PPFIA2: variants seen among roughly 807,000 people sequenced by gnomAD.
The protein encoded by PPFIA2 is liprin-alpha-2.
PPFIA2 carries 46 observed loss-of-function variants against 175.5 expected under a neutral mutation model. The ratio of observed to expected loss-of-function variants is 0.26; its 90% CI spans 0.21 to 0.34. The LOEUF is 0.34. Among genes scored for constraint, PPFIA2 ranks in the 10% least tolerant of loss-of-function variants. PPFIA2 has a pLI of 1.00. For synonymous variants in PPFIA2, 568 were observed against 511.4 expected (o/e 1.11, Z -1.49); for missense variants, 1,179 against 1,506.1 (o/e 0.78, Z 3.60).
intron 4 of PPFIA2, among the ~76,000 whole-genome samples, chr12:81,661,263 A>G (rs921752906): frequency 3.9e-5 from 6 of 152,234 alleles, no homozygotes; most frequent in Admixed American, 6.5e-5. Flanking sequence ...CAAACTGGAT[A>G]AAGAGTCAAG....
chr12:81,590,451 G>A (rs955956757), intron 4 of PPFIA2, among the ~76,000 whole-genome samples: 1 of 152,054 alleles, frequency 6.6e-6, no homozygotes, highest in African/African-American at 2.4e-5. Flanking sequence ...ATTACCATTA[G>A]TATCTTTTTT....
chr12:81,632,701 A>G (rs1203265287), intron 4 of PPFIA2, among the ~76,000 whole-genome samples: 1 of 151,112 alleles, frequency 6.6e-6, no homozygotes, highest in African/African-American at 2.4e-5. Flanking sequence ...TGTCAGGAAT[A>G]AGAAAGGAAA....
intron 8 of PPFIA2, among the ~76,000 whole-genome samples, chr12:81,385,082 A>G (rs894789699): frequency 9.2e-5 from 14 of 152,168 alleles, no homozygotes; most frequent in African/African-American, 3.4e-4. Context: ...AGACATACAG[A>G]TGACCAGCAG....
rs149937376 is a variant in PPFIA2 at position 81,365,066 on chromosome 12, T to A, written c.1545+2042A>T. ...TCAGGGAAGAGGACCCAGTAGGTAA[T>A]CTAAATTTGGATGTGCTCAATTTAT... On this transcript the variant is annotated intron_variant, in intron 14 of 32. Coordinates refer to ENST00000549396, the MANE Select transcript of PPFIA2 (RefSeq NM_003625.5). Among the ~76,000 whole-genome samples, 12 of 151,832 alleles carry A rather than the reference T, an allele frequency of 7.9e-5. 1 individual carries two copies. The East Asian group carries it at 2.3e-3, about 30-fold the overall frequency.
At position 81,267,999 on chromosome 12, in the gene PPFIA2, A is replaced by T; in HGVS notation, c.3399T>A (p.Gly1133=). The change falls in exon 29 of 33, where the codon GGT becomes GGA. Residue 1133 remains glycine (G), a synonymous_variant. Transcript: ENST00000549396. ...REYANNILES[G]VHGSLIALDE... ...CCAGGGCTATAAGTGAGCCATGCAC[A>T]CCGCTCTCAAGTATATTATTTGCAT... 2.5e-6 allele frequency: 4 copies of T among 1,597,916 alleles called. No individual in the cohort carries two copies. Among genetic ancestry groups the T allele is most frequent in the Non-Finnish European group, 3.4e-6 (4 of 1,171,220 alleles).
At chr12:81,410,834 G>A (rs1388800043) in intron 7 of PPFIA2, among the ~76,000 whole-genome samples, 1 of 151,974 alleles carries the variant, frequency 6.6e-6, no homozygotes, top group Non-Finnish European at 1.5e-5. Flanking sequence ...AAGGTAAGCT[G>A]GTAGAATATG....
intron 4 of PPFIA2, among the ~76,000 whole-genome samples, chr12:81,479,355 A>G (rs1341247939): frequency 1.3e-5 from 2 of 152,184 alleles, no homozygotes; most frequent in African/African-American, 4.8e-5. Flanking sequence ...AATACAGCAC[A>G]CCGATAGGTC....
chr12:81,633,866 A>G (rs543272327), intron 4 of PPFIA2, among the ~76,000 whole-genome samples: 3 of 151,872 alleles, frequency 2.0e-5, no homozygotes, highest in Non-Finnish European at 4.4e-5. Context: ...GGTAATAGAG[A>G]GGTTGCTTAT....
At chr12:81,576,058 A>G (rs901387562) in intron 4 of PPFIA2, among the ~76,000 whole-genome samples, 1 of 151,512 alleles carries the variant, frequency 6.6e-6, no homozygotes, top group African/African-American at 2.4e-5. Flanking sequence ...CATACAGCCA[A>G]CCATAGCCAT....
intron 4 of PPFIA2, among the ~76,000 whole-genome samples, chr12:81,674,230 C>A (rs1009340176): frequency 1.3e-5 from 2 of 152,080 alleles, no homozygotes; most frequent in East Asian, 3.9e-4. Flanking sequence ...AGCTATGCAT[C>A]CTTATGAGAG....
chr12:81,629,683 C>T (rs1283585563), intron 4 of PPFIA2, among the ~76,000 whole-genome samples: 6 of 152,152 alleles, frequency 3.9e-5, no homozygotes, highest in Non-Finnish European at 7.3e-5. Context: ...CAAGTGAGGA[C>T]ACTTGTCACA....
intron 4 of PPFIA2, among the ~76,000 whole-genome samples, chr12:81,611,827 C>T (rs997934256): frequency 6.6e-6 from 1 of 152,114 alleles, no homozygotes; most frequent in Non-Finnish European, 1.5e-5. Context: ...TCTGCCTATT[C>T]CCTGGAGAGA....
At chr12:81,394,743 C>G (rs1362417566) in intron 8 of PPFIA2, among the ~76,000 whole-genome samples, 1 of 150,610 alleles carries the variant, frequency 6.6e-6, no homozygotes, top group Non-Finnish European at 1.5e-5. Flanking sequence ...ATAGGTGCAG[C>G]AAACCACCAT....
chr12:81,289,432 C>G (rs1243746180), intron 24 of PPFIA2, among the ~76,000 whole-genome samples: 1 of 151,840 alleles, frequency 6.6e-6, no homozygotes, highest in African/African-American at 2.4e-5. Context: ...AATTCATCAA[C>G]TTAAATAAAT....
chr12:81,364,639 AT>A (rs1385670820), intron 14 of PPFIA2, among the ~76,000 whole-genome samples: 1 of 151,814 alleles, frequency 6.6e-6, no homozygotes, highest in African/African-American at 2.4e-5. Flanking sequence ...GATCATTCTA[AT>A]GGCTGTGAAA....
intron 3 of PPFIA2, among the ~76,000 whole-genome samples, chr12:81,683,418 C>T (rs2073982611): frequency 6.6e-6 from 1 of 151,956 alleles, no homozygotes; most frequent in Non-Finnish European, 1.5e-5. Flanking sequence ...CCTATATATT[C>T]TCCACATAGT....
intron 3 of PPFIA2, among the ~76,000 whole-genome samples, chr12:81,679,563 T>C (rs1273889454): frequency 6.6e-6 from 1 of 151,936 alleles, no homozygotes; most frequent in Admixed American, 6.6e-5. Flanking sequence ...AAGAAGAATG[T>C]AGAAGATGAA....
chr12:81,569,788 T>A (rs2072126258), intron 4 of PPFIA2, among the ~76,000 whole-genome samples: 1 of 152,136 alleles, frequency 6.6e-6, no homozygotes, highest in African/African-American at 2.4e-5. Flanking sequence ...TGCTAAAATT[T>A]TATTTAATAC....
chr12:81,739,902 CCTT>C (rs1183189044), intron 3 of PPFIA2, among the ~76,000 whole-genome samples: 10 of 152,066 alleles, frequency 6.6e-5, no homozygotes, highest in African/African-American at 1.9e-4. Context: ...AAAACAGAAA[CCTT>C]CTTCTGGCAA....
Sources: allele counts gnomAD v4.1 joint callset (sites outside exome capture counted in the v4.1 genomes callset), GRCh38; gene constraint gnomAD v4.1.1; transcripts MANE v1.5; gene names NCBI Gene and HGNC (gene_info 2026-07-23, HGNC 2026-07-21).